Variants in CAMK2G observed in about 807,000 individuals in gnomAD.
The protein encoded by CAMK2G is calcium/calmodulin dependent protein kinase II gamma.
Under a neutral mutation model 88.7 loss-of-function variants are expected in CAMK2G, and 23 were observed. The ratio of observed to expected loss-of-function variants is 0.26; its 90% CI spans 0.19 to 0.37. The LOEUF (loss-of-function observed/expected upper bound fraction) is 0.37, where lower values mean the gene tolerates loss of function less well. Among genes scored for constraint, CAMK2G ranks in the 10% least tolerant of loss-of-function variants. The pLI is 1.00. For missense variants in CAMK2G, 476 were observed against 780.8 expected, an observed-to-expected ratio of 0.61 and a Z score of 4.65; for synonymous variants, 263 against 294.8, an observed-to-expected ratio of 0.89 and a Z score of 1.11.
At position 73,849,095 on chromosome 10, in the gene CAMK2G, C is replaced by A. The variant is rs761454465; in HGVS notation, c.435G>T (p.Ala145=). Residue 145 remains alanine, a synonymous_variant, in exon 7 of 23, where the codon GCG becomes GCT. Transcript: ENST00000423381. ...TGACGGCGGCACCCTTGCATTTACT[C>A]GCCAGCAGCAGGTTCTCAGGCTGCA... ...RDLKPENLLL[A]SKCKGAAVKL... 2 of 1,614,014 alleles carry A rather than the reference C, an allele frequency of 1.2e-6. No individual in the cohort carries two copies. The highest frequency in any genetic ancestry group is 2.2e-5 in the South Asian group (2 of 91,078).
At chr10:73,830,175 A>G (rs916854513) in intron 14 of CAMK2G, among the ~76,000 whole-genome samples, 6 of 152,136 alleles carry the variant, frequency 3.9e-5, no homozygotes, top group African/African-American at 1.4e-4. Flanking sequence ...GTTAGTCAAC[A>G]TTTTTCAATT....
rs539730399 is a variant in CAMK2G, at chr10:73,829,266, T to A, written c.1054-1145A>T. Among the ~76,000 whole-genome samples, 331 of 141,034 alleles carry A rather than the reference T, an allele frequency of 2.3e-3. 1 individual carries two copies. Among genetic ancestry groups the A allele is most frequent in the African/African-American group, 8.2e-3 (316 of 38,362 alleles). The allele number at this position is 141,034 out of a possible 152,430, so 92.5% of individuals were successfully genotyped here. A position where few individuals can be genotyped will look rare whatever the true frequency, so the allele number is the denominator to read the frequency against. On this transcript the variant is annotated intron_variant, in intron 14 of 22. Transcript: ENST00000423381. Reference sequence around the variant, plus strand: ...TAGTTAGGCCTCTTTTACATTGGCCTTTTATTTATTTATTTATTTATTTAT... The same window carrying A: ...TAGTTAGGCCTCTTTTACATTGGCCATTTATTTATTTATTTATTTATTTAT...
In CAMK2G at chr10:73,842,611, A is replaced by C. The variant is rs1378384027; in HGVS notation, c.820-70T>G. On this transcript the variant is annotated intron_variant, in intron 10 of 22. Coordinates refer to ENST00000423381, the MANE Select transcript of CAMK2G (RefSeq NM_001367534.1). The surrounding 1 kb of genome is among the most constrained non-coding windows in gnomAD (Gnocchi z 4.6). ...TGCGCCTCCCACAGTCCTGGCACCG[A>C]TACCATGCCCAGGACAGGGTCATGC... The C allele has an allele frequency of 2.1e-5, 23 of 1,113,442 alleles. No individual in the cohort carries two copies. The Admixed American group carries it at 3.8e-4, about 18-fold the overall frequency. The allele number at this position is 1,113,442 out of a possible 1,614,324, so 69.0% of individuals were successfully genotyped here.
chr10:73,857,854 G>GTTGT (rs138594285), intron 3 of CAMK2G, among the ~76,000 whole-genome samples: 2,591 of 152,302 alleles, frequency 0.017, 25 homozygotes, highest in Non-Finnish European at 0.027. Flanking sequence ...CAGGCATTTT[G>GTTGT]TTGTTTGTTT....
intron 3 of CAMK2G, among the ~76,000 whole-genome samples, chr10:73,860,046 T>C (rs991156736): frequency 6.6e-6 from 1 of 152,220 alleles, no homozygotes; most frequent in African/African-American, 2.4e-5. Flanking sequence ...AGATGCTCCT[T>C]GCTCTGCCTC....
At chr10:73,856,194 G>T (rs2095024645) in intron 3 of CAMK2G, among the ~76,000 whole-genome samples, 1 of 152,094 alleles carries the variant, frequency 6.6e-6, no homozygotes, top group Non-Finnish European at 1.5e-5. Flanking sequence ...AGCTCTGCAG[G>T]GTAGCTACTT....
At chr10:73,850,576 G>C (rs1432546809) in intron 5 of CAMK2G, among the ~76,000 whole-genome samples, 1 of 152,254 alleles carries the variant, frequency 6.6e-6, no homozygotes, top group Non-Finnish European at 1.5e-5. Context: ...CAACAAGGAA[G>C]TACCTGGCCT....
chr10:73,824,124 C>T (rs768186537), intron 16 of CAMK2G, 40 bp from the exon 17 acceptor site: 33 of 1,535,500 alleles, frequency 2.1e-5, no homozygotes, highest in Non-Finnish European at 2.4e-5. Flanking sequence ...GACTTGGGGA[C>T]AGACTATGGC....
chr10:73,827,766 C>T (rs1292831331), intron 15 of CAMK2G, among the ~76,000 whole-genome samples: 1 of 152,250 alleles, frequency 6.6e-6, no homozygotes, highest in Non-Finnish European at 1.5e-5. Context: ...AGGGCCTCTC[C>T]TTCTGGGTGA....
chr10:73,853,233 G>T lies in CAMK2G; in HGVS notation c.234C>A (p.Asp78Glu). The change falls in exon 4 of 23, where the codon GAC (aspartate) becomes GAA (glutamate). Residue 78 changes from aspartate (D) to glutamate (E), a missense_variant. Physicochemically the swap from Asp to Glu is conservative, Grantham distance 45 (BLOSUM62 2). Coordinates refer to ENST00000423381, the MANE Select transcript of CAMK2G (RefSeq NM_001367534.1). The stretch of plus-strand genomic sequence containing the variant: ...AGTGAAACCCTTCTTCAGAAATACT[G>T]TCATGGAGGCGCACTGCAAGAGAGG... The part of the protein sequence containing the change: ...LKHPNIVRLH[D>E]SISEEGFHYL... 1 of 1,614,024 alleles carries T rather than the reference G, an allele frequency of 6.2e-7. No individual in the cohort carries two copies. The highest frequency in any genetic ancestry group is 8.5e-7 in the Non-Finnish European group (1 of 1,179,858).
At chr10:73,816,363 T>C in intron 21 of CAMK2G, 1 of 1,000,638 alleles carries the variant, frequency 1.0e-6, no homozygotes, top group Non-Finnish European at 1.2e-6. Flanking sequence ...TTGTGAAACC[T>C]GCAGACACAG....
chr10:73,825,679 T>C (rs1427337939), intron 15 of CAMK2G, among the ~76,000 whole-genome samples: 1 of 152,118 alleles, frequency 6.6e-6, no homozygotes, highest in Non-Finnish European at 1.5e-5. Flanking sequence ...TTCTTCCCAC[T>C]GTACAGGAAA....
chr10:73,868,805 G>T (rs1484272013), intron 2 of CAMK2G, among the ~76,000 whole-genome samples: 1 of 152,150 alleles, frequency 6.6e-6, no homozygotes, highest in African/African-American at 2.4e-5. Context: ...AGGGGGCGGG[G>T]ACTCTCAGCT....
chr10:73,835,948 C>A lies in CAMK2G; in HGVS notation c.1053+1520G>T, dbSNP rs547411741. Among the ~76,000 whole-genome samples the A allele has an allele frequency of 2.6e-5, 4 of 152,256 alleles. No individual in the cohort carries two copies. In the South Asian group the frequency reaches 8.3e-4, roughly 32 times the overall value. ...CTCCCAGGTTCAAGCCATTCTCCTGCCTCAGACTCCCGAGTGGCTGGGATT... is the reference window on the plus strand; with the variant it reads ...CTCCCAGGTTCAAGCCATTCTCCTGACTCAGACTCCCGAGTGGCTGGGATT... On this transcript the variant is annotated intron_variant, in intron 14 of 22. Coordinates refer to ENST00000423381, the MANE Select transcript of CAMK2G (RefSeq NM_001367534.1).
At chr10:73,831,355 T>A (rs977838757) in intron 14 of CAMK2G, among the ~76,000 whole-genome samples, 9 of 151,182 alleles carry the variant, frequency 6.0e-5, no homozygotes, top group African/African-American at 2.2e-4. Context: ...CTGGCCAACA[T>A]AGCAAAACCC....
chr10:73,818,494 A>T (rs1370739559), intron 19 of CAMK2G: 1 of 358,794 alleles, frequency 2.8e-6, no homozygotes. Context: ...GGGCCAGGCC[A>T]CAACCCTTTC....
intron 19 of CAMK2G, 97 bp from the exon 20 acceptor site, chr10:73,817,651 T>C: frequency 2.5e-6 from 2 of 797,570 alleles, no homozygotes; most frequent in East Asian, 2.5e-5. Flanking sequence ...TGATCGCTTA[T>C]GACAAAGACA....
intron 15 of CAMK2G, 151 bp from the exon 16 acceptor site, chr10:73,825,498 G>C (rs2090618923): frequency 1.4e-5 from 9 of 647,486 alleles, no homozygotes; most frequent in East Asian, 7.9e-5. Context: ...GCGATGGCTA[G>C]AGAGATGATC....
intron 14 of CAMK2G, among the ~76,000 whole-genome samples, chr10:73,829,727 GTGTGTGTA>G (rs924478471): frequency 1.3e-5 from 2 of 151,506 alleles, no homozygotes; most frequent in South Asian, 2.1e-4. Context: ...GTGTGTGTGT[GTGTGTGTA>G]TATCTCCTTA....
Sources: gnomAD v4.1 joint callset for allele counts (sites outside exome capture counted in the v4.1 genomes callset) on GRCh38, gnomAD v4.1.1 for gene constraint, Gnocchi (gnomAD v3.1) non-coding constraint, MANE v1.5 for transcripts, NCBI Gene and HGNC (gene_info 2026-07-23, HGNC 2026-07-21) for gene names.